Variants in AMMECR1 observed in about 807,000 individuals in gnomAD.
The protein encoded by AMMECR1 is AMMECR nuclear protein 1.
In AMMECR1, 3 loss-of-function variants were observed where a neutral mutation model predicts 22.5. That is an observed-to-expected ratio of 0.13 (90% confidence interval 0.06 to 0.35). The LOEUF is 0.35. AMMECR1 is among the 10% of genes least tolerant of loss of function. The pLI is 1.00. For synonymous variants in AMMECR1, 130 were observed against 116.7 expected (o/e 1.11, Z -0.74); for missense variants, 235 against 278.7 (o/e 0.84, Z 1.12).
At chrX:110,253,701 T>A (rs1297604845) in intron 2 of AMMECR1, among the ~76,000 whole-genome samples, 1 of 111,811 alleles carries the variant, frequency 8.9e-6, no homozygotes, top group African/African-American at 3.3e-5. Flanking sequence ...TAGCCACTAC[T>A]CTTTATTAGA....
At chrX:110,246,224 A>AT (rs1432264025) in intron 2 of AMMECR1, among the ~76,000 whole-genome samples, 2 of 112,183 alleles carry the variant, frequency 1.8e-5, no homozygotes, top group South Asian at 3.7e-4. Flanking sequence ...TAAATATCCC[A>AT]TAAGAATTGA....
At chrX:110,227,260 T>G (rs2067538657) in intron 2 of AMMECR1, among the ~76,000 whole-genome samples, 1 of 112,383 alleles carries the variant, frequency 8.9e-6, no homozygotes, top group Non-Finnish European at 1.9e-5. Flanking sequence ...CTAACTTATG[T>G]GTCATGTCAG....
chrX:110,416,813 C>A (rs1244295310), intron 2 of AMMECR1, among the ~76,000 whole-genome samples: 1 of 112,074 alleles, frequency 8.9e-6, no homozygotes, highest in Admixed American at 9.4e-5. Context: ...CAAGGTGGCC[C>A]AGTGGTTAGA....
At chrX:110,295,511 T>G (rs1411132435) in intron 1 of AMMECR1, among the ~76,000 whole-genome samples, 1 of 111,940 alleles carries the variant, frequency 8.9e-6, no homozygotes, top group African/African-American at 3.2e-5. Context: ...ATTTTCTCTG[T>G]ATTTTATTGA....
At chrX:110,229,866 C>A (rs1199033290) in intron 2 of AMMECR1, among the ~76,000 whole-genome samples, 1 of 112,702 alleles carries the variant, frequency 8.9e-6, no homozygotes, top group Non-Finnish European at 1.9e-5. Context: ...CCGTGCCTGG[C>A]TCGGCAGCTC....
chrX:110,336,729 A>G (rs2068143287), intron 2 of AMMECR1, among the ~76,000 whole-genome samples: 1 of 110,222 alleles, frequency 9.1e-6, no homozygotes. Context: ...GGAGCCCATG[A>G]TTTCATGATT....
At chrX:110,262,172 C>A (rs2067745118) in intron 2 of AMMECR1, among the ~76,000 whole-genome samples, 1 of 111,525 alleles carries the variant, frequency 9.0e-6, no homozygotes, top group African/African-American at 3.2e-5. Flanking sequence ...AAAATGAATC[C>A]AGGAAAAAAG....
chrX:110,216,572 G>A lies in AMMECR1; in HGVS notation c.645C>T (p.Cys215=). The A allele has an allele frequency of 8.3e-7, 1 of 1,209,648 alleles. No individual in the cohort carries two copies. The highest frequency in any genetic ancestry group is 1.1e-6 in the Non-Finnish European group (1 of 893,958). ...CAAAGTTAGTGAGCAGAGACACTGA[G>A]CAGAAAAGCCGTGGCAGCTCATCCC... ...MTRDELPRLF[C]SVSLLTNFED... The change falls in exon 3 of 6, where the codon TGC becomes TGT. Residue 215 remains cysteine, a synonymous_variant. Transcript: ENST00000262844.
intron 2 of AMMECR1, among the ~76,000 whole-genome samples, chrX:110,227,556 T>C (rs2067540138): frequency 8.9e-6 from 1 of 112,423 alleles, no homozygotes; most frequent in Non-Finnish European, 1.9e-5. Flanking sequence ...TCCTTTCTCT[T>C]CTTCCTTTTC....
upstream of AMMECR1, among the ~76,000 whole-genome samples, chrX:110,319,808 A>G (rs2068072084): frequency 8.9e-6 from 1 of 112,330 alleles, no homozygotes; most frequent in Non-Finnish European, 1.9e-5. Flanking sequence ...TCCAAAAACC[A>G]TGCCATTATA....
intron 1 of AMMECR1, among the ~76,000 whole-genome samples, chrX:110,280,916 T>A (rs2067849118): frequency 8.9e-6 from 1 of 112,126 alleles, no homozygotes; most frequent in African/African-American, 3.2e-5. Context: ...TTAAAGTTTA[T>A]CAAGATCTCA....
At chrX:110,371,519 C>T (rs1041269953) in intron 2 of AMMECR1, among the ~76,000 whole-genome samples, 5 of 111,060 alleles carry the variant, frequency 4.5e-5, no homozygotes, top group African/African-American at 1.6e-4. Flanking sequence ...ATTGACCATC[C>T]CCAACTCCCC....
chrX:110,225,075 G>C, intron 2 of AMMECR1: 1 of 368,053 alleles, frequency 2.7e-6, no homozygotes, highest in Non-Finnish European at 5.2e-6. Flanking sequence ...AAACAGTTTT[G>C]ATTGAGTATT....
intron 1 of AMMECR1, among the ~76,000 whole-genome samples, chrX:110,298,425 C>T (rs1364607101): frequency 9.0e-6 from 1 of 111,120 alleles, no homozygotes; most frequent in African/African-American, 3.3e-5. Flanking sequence ...AAACCTATTA[C>T]AAGTGGTTTC....
At position 110,405,050 on chromosome X, in the gene AMMECR1, G is replaced by A. The variant is rs778620880; in HGVS notation, c.-148+21608C>T. 8.6e-5 allele frequency among the ~76,000 whole-genome samples: 9 copies of A among 104,495 alleles called. No homozygotes were observed. In the South Asian group the frequency reaches 4.0e-3, roughly 47 times the overall value. 90.7% of individuals were successfully genotyped at this position (104,495 alleles called of 115,157 possible). On this transcript the variant is annotated intron_variant, in intron 2 of 7. Coordinates refer to the AMMECR1 transcript ENST00000372057. ...GAGATTCAGAGATACGCTTTTGTCA[G>A]TTAAATTCGAAAAATATATTCAGGT...
chrX:110,405,380 A>G (rs2068594550), intron 2 of AMMECR1, among the ~76,000 whole-genome samples: 1 of 111,394 alleles, frequency 9.0e-6, no homozygotes, highest in Admixed American at 9.5e-5. Context: ...GCAGCGTAAA[A>G]GCCAAATTAA....
At chrX:110,315,067 T>G (rs1019483986) in intron 1 of AMMECR1, among the ~76,000 whole-genome samples, 1 of 111,170 alleles carries the variant, frequency 9.0e-6, no homozygotes, top group African/African-American at 3.3e-5. Context: ...TGATAATAAC[T>G]ATGAGAAAAA....
chrX:110,338,925 C>T (rs930942736), intron 2 of AMMECR1, among the ~76,000 whole-genome samples: 5 of 111,343 alleles, frequency 4.5e-5, no homozygotes, highest in African/African-American at 1.6e-4. Flanking sequence ...GCCTGGGGTG[C>T]CAATTTAAAA....
intron 1 of AMMECR1, among the ~76,000 whole-genome samples, chrX:110,437,691 G>A (rs779219339): frequency 1.7e-4 from 19 of 111,647 alleles, no homozygotes; most frequent in African/African-American, 5.2e-4. Flanking sequence ...AGTTCAATGC[G>A]GGTATCAGAG....
Sources: allele counts gnomAD v4.1 joint callset (sites outside exome capture counted in the v4.1 genomes callset), GRCh38; gene constraint gnomAD v4.1.1; transcripts MANE v1.5; gene names NCBI Gene and HGNC (gene_info 2026-07-23, HGNC 2026-07-21).